PATJ: variants seen among roughly 807,000 people sequenced by gnomAD.
PATJ encodes the protein PATJ crumbs cell polarity complex component, also known as inaD-like protein.
In PATJ, 190 loss-of-function variants were observed where a neutral mutation model predicts 224.9. That is an observed-to-expected ratio of 0.84 (90% confidence interval 0.75 to 0.95). The LOEUF is 0.95. PATJ is among the 40% of genes least tolerant of loss of function. PATJ has a pLI of 0.00. For synonymous variants in PATJ, 769 were observed against 820.3 expected, an observed-to-expected ratio of 0.94 and a Z score of 1.07; for missense variants, 2,121 against 2,270.3, an observed-to-expected ratio of 0.93 and a Z score of 1.34.
At chr1:61,842,123 C>T (rs1006264180) in intron 17 of PATJ, among the ~76,000 whole-genome samples, 5 of 152,016 alleles carry the variant, frequency 3.3e-5, no homozygotes, top group African/African-American at 7.2e-5. Flanking sequence ...CTCAGGATGA[C>T]GACTGACTTC....
chr1:62,079,406 C>G (rs765354348), intron 31 of PATJ, 44 bp from the exon 32 acceptor site: 1 of 1,156,398 alleles, frequency 8.6e-7, no homozygotes, highest in Admixed American at 1.7e-5. Flanking sequence ...TTCTTGTTAC[C>G]TTTCTCCTTT....
rs934880315 is a variant in PATJ, at chr1:62,136,673, G to A, written c.5271+7728G>A. Among the ~76,000 whole-genome samples the A allele has an allele frequency of 3.3e-5, 5 of 150,900 alleles. No individual in the cohort carries two copies. In the South Asian group the frequency reaches 1.1e-3, roughly 32 times the overall value. ...CGTGTGTGTGTGTGTGTCTGTGTGT[G>A]TGTGTGTGTGTGTGTGTGTCTGTGT... is the stretch of plus-strand genomic sequence containing the variant. On this transcript the variant is annotated intron_variant, in intron 41 of 43. Coordinates refer to ENST00000642238, the MANE Select transcript of PATJ (RefSeq NM_001350145.3).
chr1:61,886,166 TTAAAG>T (rs1202982128), intron 22 of PATJ, among the ~76,000 whole-genome samples: 3 of 151,012 alleles, frequency 2.0e-5, no homozygotes, highest in Non-Finnish European at 2.9e-5. Context: ...ACCCTAAAAC[TTAAAG>T]TATAATTAAA....
chr1:62,041,032 C>T (rs1278787178), intron 30 of PATJ, among the ~76,000 whole-genome samples: 1 of 152,038 alleles, frequency 6.6e-6, no homozygotes, highest in African/African-American at 2.4e-5. Context: ...GCATCTTTAA[C>T]AAAAATGGTA....
chr1:61,764,007 T>TTG (rs960762634), intron 3 of PATJ, among the ~76,000 whole-genome samples: 1 of 149,568 alleles, frequency 6.7e-6, no homozygotes, highest in Non-Finnish European at 1.5e-5. Context: ...GTCTTTTTTT[T>TTG]TGTGTGTGTG....
intron 20 of PATJ, among the ~76,000 whole-genome samples, chr1:61,869,402 AATG>A (rs1203142162): frequency 6.6e-6 from 1 of 152,062 alleles, no homozygotes; most frequent in African/African-American, 2.4e-5. Flanking sequence ...TAATTTTTTA[AATG>A]CAGGGCCACT....
At chr1:61,907,967 A>C (rs1672083440) in intron 24 of PATJ, among the ~76,000 whole-genome samples, 1 of 152,200 alleles carries the variant, frequency 6.6e-6, no homozygotes, top group South Asian at 2.1e-4. Context: ...ATTTACTTAA[A>C]ATATTATGCC....
At chr1:61,769,177 G>A (rs1646460421) in intron 4 of PATJ, 106 bp from the exon 5 acceptor site, 1 of 1,044,878 alleles carries the variant, frequency 9.6e-7, no homozygotes, top group Non-Finnish European at 1.4e-6. Context: ...AGTTTATGTG[G>A]TTCTTAGGGG....
intron 29 of PATJ, among the ~76,000 whole-genome samples, chr1:62,027,812 C>G (rs769585116): frequency 2.0e-5 from 3 of 151,214 alleles, no homozygotes; most frequent in Non-Finnish European, 4.4e-5. Context: ...AAGTCCCTTG[C>G]CCATTTTTTT....
chr1:61,761,798 G>A (rs1645987874), intron 1 of PATJ, among the ~76,000 whole-genome samples: 1 of 151,864 alleles, frequency 6.6e-6, no homozygotes, highest in African/African-American at 2.4e-5. Context: ...TGATCCTCCT[G>A]CCTCAGCCTC....
intron 6 of PATJ, 149 bp downstream of exon 6, chr1:61,771,775 A>G: frequency 1.7e-6 from 1 of 587,464 alleles, no homozygotes. Flanking sequence ...GCTGGAGTGC[A>G]GTGGCCAGAT....
intron 25 of PATJ, among the ~76,000 whole-genome samples, chr1:61,912,648 A>AGAGG (rs1557865965): frequency 8.0e-6 from 1 of 124,798 alleles, no homozygotes; most frequent in Non-Finnish European, 1.7e-5. Context: ...AAAGAGAGAG[A>AGAGG]GAGGGAGGGA....
intron 29 of PATJ, among the ~76,000 whole-genome samples, chr1:62,034,462 A>G (rs1436701991): frequency 7.0e-6 from 1 of 141,872 alleles, no homozygotes; most frequent in Admixed American, 7.0e-5. Context: ...AAAAAAAAAA[A>G]GCTTAATTAT....
At chr1:61,875,455 A>AT (rs2149029624) in intron 21 of PATJ, 89 bp downstream of exon 21, 2 of 998,840 alleles carry the variant, frequency 2.0e-6, no homozygotes, top group East Asian at 2.7e-5. Context: ...TCACCGTCAT[A>AT]TTTTTATTCA....
chr1:61,802,339 C>A (rs150899417), intron 12 of PATJ, among the ~76,000 whole-genome samples: 6,494 of 152,314 alleles, frequency 0.043, 195 homozygotes, highest in Non-Finnish European at 0.065. Flanking sequence ...GTGATCTGCC[C>A]ACCTGGGCCT....
chr1:61,784,875 C>T (rs745725991), intron 7 of PATJ, among the ~76,000 whole-genome samples: 1 of 152,112 alleles, frequency 6.6e-6, no homozygotes, highest in Non-Finnish European at 1.5e-5. Context: ...ATAACAATGT[C>T]CTCCTTGCCT....
At chr1:61,786,228 G>A (rs1648490484) in intron 7 of PATJ, among the ~76,000 whole-genome samples, 1 of 152,120 alleles carries the variant, frequency 6.6e-6, no homozygotes, top group Non-Finnish European at 1.5e-5. Flanking sequence ...CTCCATGTTG[G>A]CCAGGCTGGT....
intron 16 of PATJ, among the ~76,000 whole-genome samples, chr1:61,828,391 T>A (rs1658681069): frequency 7.1e-6 from 1 of 139,886 alleles, no homozygotes; most frequent in South Asian, 2.4e-4. Flanking sequence ...GCACTGTTAC[T>A]ATGAAAAGAG....
At chr1:61,911,174 T>A (rs989724238) in intron 25 of PATJ, among the ~76,000 whole-genome samples, 3 of 152,118 alleles carry the variant, frequency 2.0e-5, no homozygotes, top group African/African-American at 7.2e-5. Flanking sequence ...CTTAGGAGCA[T>A]CACCAGTACA....
Sources: gnomAD v4.1 joint callset for allele counts (sites outside exome capture counted in the v4.1 genomes callset) on GRCh38, gnomAD v4.1.1 for gene constraint, MANE v1.5 for transcripts, NCBI Gene and HGNC (gene_info 2026-07-23, HGNC 2026-07-21) for gene names.